The following ATP11C variants were observed in gnomAD, a reference collection of about 807,000 sequenced individuals.
ATP11C encodes the protein phospholipid-transporting ATPase IG.
Under a neutral mutation model 97.4 loss-of-function variants are expected in ATP11C, and 36 were observed. The observed-to-expected ratio is 0.37, with a 90% CI of 0.28 to 0.49. The LOEUF (loss-of-function observed/expected upper bound fraction) is 0.49. Ranked by LOEUF, ATP11C falls within the 20% of genes least tolerant of loss-of-function variation. ATP11C has a pLI of 0.98. For missense variants in ATP11C, 730 were observed against 824.6 expected (o/e 0.89, Z 1.40); for synonymous variants, 275 against 290.9 (o/e 0.95, Z 0.56).
chrX:139,881,320 C>T (rs766859835), intron 1 of ATP11C, among the ~76,000 whole-genome samples: 7 of 111,397 alleles, frequency 6.3e-5, no homozygotes, highest in Admixed American at 9.6e-5. Context: ...GGAGTGCCTG[C>T]CTCATACATG....
At chrX:139,820,502 A>G (rs916757260) in intron 2 of ATP11C, among the ~76,000 whole-genome samples, 5 of 111,500 alleles carry the variant, frequency 4.5e-5, no homozygotes, top group Admixed American at 9.5e-5. Flanking sequence ...CTTGATGATC[A>G]TAACAGATAC....
intron 1 of ATP11C, among the ~76,000 whole-genome samples, chrX:139,828,586 C>T (rs1291754541): frequency 1.8e-5 from 2 of 111,706 alleles, no homozygotes; most frequent in South Asian, 7.6e-4. Context: ...ATGCCAAGTC[C>T]ACGTATACAT....
intron 1 of ATP11C, among the ~76,000 whole-genome samples, chrX:139,836,314 G>A (rs1214269134): frequency 2.7e-5 from 3 of 110,790 alleles, no homozygotes; most frequent in Middle Eastern, 4.7e-3. Flanking sequence ...TCAGGAGTTC[G>A]AGACCAGATT....
intron 1 of ATP11C, among the ~76,000 whole-genome samples, chrX:139,906,706 C>T (rs762968650): frequency 2.8e-5 from 3 of 108,882 alleles, no homozygotes; most frequent in Admixed American, 2.0e-4. Flanking sequence ...CACTTGAACC[C>T]GGGGAGCAGA....
In ATP11C at chrX:139,796,419, T is replaced by C. The variant is rs769417087; in HGVS notation, c.1060A>G (p.Ile354Val). Residue 354 changes from isoleucine to valine, a missense_variant, in exon 12 of 30, where the codon ATC (isoleucine) becomes GTC (valine). Coordinates refer to ENST00000682941, the MANE Select transcript of ATP11C (RefSeq NM_001353812.2). Reference sequence around the variant, plus strand: ...GTGACGTACATGGAGACAGGAATGATAAAGTTGAATAGAACCATAAATGAT... The same window carrying C: ...GTGACGTACATGGAGACAGGAATGACAAAGTTGAATAGAACCATAAATGAT... Reference protein sequence around the residue: ...FLSFMVLFNFIIPVSMYVTVE... With the variant: ...FLSFMVLFNFVIPVSMYVTVE... The C allele has an allele frequency of 2.5e-6, 3 of 1,204,183 alleles. No individual in the cohort carries two copies. Among genetic ancestry groups the C allele is most frequent in the Middle Eastern group, 2.3e-4 (1 of 4,331 alleles).
intron 1 of ATP11C, among the ~76,000 whole-genome samples, chrX:139,899,698 A>C (rs2084866622): frequency 8.9e-6 from 1 of 111,769 alleles, no homozygotes; most frequent in East Asian, 2.8e-4. Flanking sequence ...GATCTTTATA[A>C]CTTTTCTGTA....
chrX:139,832,144 G>C (rs375463421), intron 1 of ATP11C: 6 of 1,206,787 alleles, frequency 5.0e-6, no homozygotes, highest in Non-Finnish European at 6.7e-6. Context: ...AATAAATATA[G>C]ATTACAAACC....
chrX:139,806,880 T>C (rs1207513503), intron 5 of ATP11C, among the ~76,000 whole-genome samples: 1 of 111,365 alleles, frequency 9.0e-6, no homozygotes, highest in Non-Finnish European at 1.9e-5. Flanking sequence ...TTCCCTGGCA[T>C]AGTCTCAGGG....
intron 1 of ATP11C, among the ~76,000 whole-genome samples, chrX:139,868,711 A>C (rs1436860050): frequency 9.3e-6 from 1 of 107,116 alleles, no homozygotes; most frequent in African/African-American, 3.5e-5. Flanking sequence ...TGGGTGACAG[A>C]GCCAGACTCC....
At chrX:139,863,736 G>GA (rs1569482122) in intron 1 of ATP11C, among the ~76,000 whole-genome samples, 1 of 109,887 alleles carries the variant, frequency 9.1e-6, no homozygotes, top group Non-Finnish European at 1.9e-5. Context: ...GAAGCCATAA[G>GA]AAAAAACATT....
intron 1 of ATP11C, among the ~76,000 whole-genome samples, chrX:139,892,561 T>A (rs2084746717): frequency 9.0e-6 from 1 of 111,727 alleles, no homozygotes; most frequent in African/African-American, 3.3e-5. Context: ...AACATGTTCC[T>A]ACCTTTGGAT....
chrX:139,852,889 C>T (rs1274672851), intron 1 of ATP11C, among the ~76,000 whole-genome samples: 1 of 111,375 alleles, frequency 9.0e-6, no homozygotes, highest in Non-Finnish European at 1.9e-5. Flanking sequence ...CCTCCCAGGA[C>T]AAGCAAGGCA....
At chrX:139,745,382 T>C (rs767053012) in intron 25 of ATP11C, among the ~76,000 whole-genome samples, 3 of 111,708 alleles carry the variant, frequency 2.7e-5, no homozygotes, top group Non-Finnish European at 5.6e-5. Flanking sequence ...GAGTAAAAAC[T>C]GAATGCGGCC....
chrX:139,836,170 G>T (rs2083747033), intron 1 of ATP11C, among the ~76,000 whole-genome samples: 1 of 108,148 alleles, frequency 9.2e-6, no homozygotes, highest in African/African-American at 3.4e-5. Flanking sequence ...TCAGGATAAA[G>T]AGTAACTTAC....
At chrX:139,815,686 G>A (rs773438092) in intron 4 of ATP11C, among the ~76,000 whole-genome samples, 3 of 111,829 alleles carry the variant, frequency 2.7e-5, no homozygotes, top group Non-Finnish European at 5.7e-5. Context: ...ATGAATGTTT[G>A]ATCATGACCT....
intron 21 of ATP11C, among the ~76,000 whole-genome samples, chrX:139,762,708 C>G (rs1210818132): frequency 3.6e-5 from 4 of 111,399 alleles, no homozygotes. Context: ...AATTCCATAT[C>G]TGGCCCCACC....
intron 1 of ATP11C, among the ~76,000 whole-genome samples, chrX:139,877,203 T>C (rs1021353947): frequency 3.6e-5 from 4 of 112,216 alleles, no homozygotes; most frequent in Admixed American, 1.9e-4. Context: ...GTACCAACTA[T>C]TGGATTTTCC....
intron 1 of ATP11C, among the ~76,000 whole-genome samples, chrX:139,886,692 A>G (rs1006411654): frequency 9.0e-6 from 1 of 111,133 alleles, no homozygotes; most frequent in African/African-American, 3.3e-5. Context: ...AAAAGTATCA[A>G]AAACACTGAT....
At chrX:139,869,795 AAATAAT>A (rs35904908) in intron 1 of ATP11C, among the ~76,000 whole-genome samples, 9 of 92,333 alleles carry the variant, frequency 9.7e-5, no homozygotes, top group African/African-American at 1.3e-4. Context: ...CTCTGTCTCA[AAATAAT>A]AATAATAATA....
Sources: gnomAD v4.1 joint callset for allele counts (sites outside exome capture counted in the v4.1 genomes callset) on GRCh38, gnomAD v4.1.1 for gene constraint, MANE v1.5 for transcripts, NCBI Gene and HGNC (gene_info 2026-07-23, HGNC 2026-07-21) for gene names.